Variants in COL11A1 observed in about 807,000 individuals in gnomAD.
COL11A1 encodes the protein collagen type XI alpha 1 chain.
COL11A1 carries 74 observed loss-of-function variants against 265.2 expected under a neutral mutation model. The ratio of observed to expected loss-of-function variants is 0.28; its 90% CI spans 0.23 to 0.34. The LOEUF is 0.34. Among genes scored for constraint, COL11A1 ranks in the 10% least tolerant of loss-of-function variants. The probability of loss-of-function intolerance (pLI) is 1.00; values close to 1 mark genes in which losing one functional copy is unlikely to be tolerated. For missense variants in COL11A1, 2,165 were observed against 2,263.6 expected, an observed-to-expected ratio of 0.96 and a Z score of 0.88; for synonymous variants, 816 against 727.6, an observed-to-expected ratio of 1.12 and a Z score of -1.96.
At chr1:103,093,251 C>T (rs1035771471) in intron 1 of COL11A1, among the ~76,000 whole-genome samples, 1 of 151,752 alleles carries the variant, frequency 6.6e-6, no homozygotes, top group African/African-American at 2.4e-5. Flanking sequence ...GAATTTAATG[C>T]CAAAAAGGGT....
intron 48 of COL11A1, among the ~76,000 whole-genome samples, chr1:102,921,226 T>A (rs1258533857): frequency 1.3e-5 from 2 of 152,188 alleles, no homozygotes; most frequent in Non-Finnish European, 2.9e-5. Flanking sequence ...TATGTTGGTT[T>A]GAACAATGTA....
intron 43 of COL11A1, 57 bp downstream of exon 43, chr1:102,940,270 C>G: frequency 1.5e-6 from 2 of 1,374,878 alleles, no homozygotes; most frequent in Non-Finnish European, 2.1e-6. Context: ...ATCTAGAATT[C>G]TTGACAAAAA....
At chr1:103,029,286 G>T (rs12728656) in intron 5 of COL11A1, among the ~76,000 whole-genome samples, 2 of 152,046 alleles carry the variant, frequency 1.3e-5, no homozygotes, top group Non-Finnish European at 2.9e-5. Context: ...TAAAGTACAT[G>T]TATGGCTGAT....
intron 41 of COL11A1, chr1:102,961,620 G>T (rs899060956): frequency 2.4e-6 from 1 of 424,232 alleles, no homozygotes; most frequent in Admixed American, 3.8e-5. Context: ...CTTGGGAACC[G>T]TAAGAAGCAA....
rs763043231 is a variant in COL11A1, at chr1:102,999,687, GC to G, written c.2143-1325del. On this transcript the variant is annotated intron_variant, in intron 24 of 66. Transcript: ENST00000370096. ...CTATGATAAGTTAGTACAAAAAATT[GC>G]TCTTGGATTGTAAAAACATATGACA... Among the ~76,000 whole-genome samples, 8 of 151,658 alleles carry G rather than the reference GC, an allele frequency of 5.3e-5. No homozygotes were observed. The East Asian group carries it at 5.8e-4, about 11-fold the overall frequency.
intron 14 of COL11A1, among the ~76,000 whole-genome samples, chr1:103,011,418 C>T (rs928802209): frequency 2.6e-5 from 4 of 151,382 alleles, no homozygotes; most frequent in South Asian, 4.2e-4. Context: ...ATGTGTTCCC[C>T]GTGAGCTTAT....
rs371455495 is a variant in COL11A1 at position 102,940,447 on chromosome 1, T to G, written c.3277-13A>C. 1.4e-3 allele frequency: 2,281 copies of G among 1,586,220 alleles called. 2 individuals are homozygous for G. The highest frequency in any genetic ancestry group is 1.8e-3 in the Non-Finnish European group (2,086 of 1,155,340). ...GACCTTTTTCTCCCTGTATTGAATA[T>G]CCAAAGATCATTAATTTTACAGTTT... On this transcript the variant is annotated splice_polypyrimidine_tract_variant and intron_variant, in intron 42 of 66. Transcript: ENST00000370096.
chr1:102,972,841 G>A (rs1393816517), intron 36 of COL11A1, among the ~76,000 whole-genome samples: 3 of 152,008 alleles, frequency 2.0e-5, no homozygotes, highest in East Asian at 3.9e-4. Context: ...TCTCATACTA[G>A]TCATGCTATA....
chr1:103,038,960 C>T (rs12075815), intron 4 of COL11A1, among the ~76,000 whole-genome samples: 365 of 152,166 alleles, frequency 2.4e-3, no homozygotes, highest in African/African-American at 8.4e-3. Flanking sequence ...AACAGAGGAA[C>T]GTAGAGCAAT....
intron 4 of COL11A1, among the ~76,000 whole-genome samples, chr1:103,035,405 T>C (rs1668286425): frequency 6.6e-6 from 1 of 152,104 alleles, no homozygotes; most frequent in Non-Finnish European, 1.5e-5. Context: ...CAAAAATGAC[T>C]CAAAAACACA....
intron 46 of COL11A1, among the ~76,000 whole-genome samples, chr1:102,933,692 G>A (rs1323012360): frequency 2.6e-5 from 4 of 152,060 alleles, no homozygotes; most frequent in Non-Finnish European, 5.9e-5. Context: ...CCCCAGCCTC[G>A]CTGCCACCTT....
chr1:102,923,722 A>G (rs2101089260), intron 46 of COL11A1, among the ~76,000 whole-genome samples: 1 of 152,242 alleles, frequency 6.6e-6, no homozygotes, highest in South Asian at 2.1e-4. Context: ...CTTCCCTGGT[A>G]CAGATTTCTG....
intron 31 of COL11A1, among the ~76,000 whole-genome samples, chr1:102,981,047 G>A (rs1316632240): frequency 6.6e-6 from 1 of 152,114 alleles, no homozygotes; most frequent in South Asian, 2.1e-4. Context: ...CCTACATGAT[G>A]CTATTAAAGC....
chr1:102,882,305 C>CAA (rs1557769393), intron 64 of COL11A1, among the ~76,000 whole-genome samples: 1 of 152,108 alleles, frequency 6.6e-6, no homozygotes, highest in African/African-American at 2.4e-5. Flanking sequence ...TGAAGAACAG[C>CAA]AAAGGGTATA....
chr1:103,017,875 A>G lies in COL11A1; in HGVS notation c.1358T>C (p.Met453Thr). 3.1e-6 allele frequency: 5 copies of G among 1,612,532 alleles called. No individual in the cohort carries two copies. Among genetic ancestry groups the G allele is most frequent in the Non-Finnish European group, 4.2e-6 (5 of 1,178,648 alleles). ...PPGPAGPAGI[M>T]GPPGLQGPTG... ...GGGGCCTTGTAGACCTGGAGGACCC[A>G]TAATACCCTATAGAGAAACACACCA... is the stretch of plus-strand genomic sequence containing the variant. Residue 453 changes from methionine to threonine, a missense_variant, in exon 11 of 67, where the codon ATG becomes ACG. Physicochemically the swap from Met to Thr is moderately conservative, Grantham distance 81. Transcript: ENST00000370096.
intron 1 of COL11A1, among the ~76,000 whole-genome samples, chr1:103,092,837 A>C (rs999450747): frequency 6.6e-6 from 1 of 152,144 alleles, no homozygotes; most frequent in Non-Finnish European, 1.5e-5. Flanking sequence ...CCCAAGAAGC[A>C]GAGAAAAGTC....
At chr1:102,977,047 T>C (rs1468860856) in intron 35 of COL11A1, among the ~76,000 whole-genome samples, 2 of 152,180 alleles carry the variant, frequency 1.3e-5, no homozygotes, top group African/African-American at 2.4e-5. Context: ...ATAAATATAA[T>C]GATCATGAGA....
At chr1:102,917,663 C>A (rs1337300596) in intron 49 of COL11A1, among the ~76,000 whole-genome samples, 1 of 151,770 alleles carries the variant, frequency 6.6e-6, no homozygotes, top group Non-Finnish European at 1.5e-5. Flanking sequence ...TCGTTCTTAT[C>A]AACTATAAAG....
At chr1:103,050,303 T>A (rs1165857972) in intron 4 of COL11A1, among the ~76,000 whole-genome samples, 2 of 152,202 alleles carry the variant, frequency 1.3e-5, no homozygotes, top group East Asian at 3.8e-4. Context: ...TTCATTTCTT[T>A]TTATTCTTTT....
Sources: gnomAD v4.1 joint callset for allele counts (sites outside exome capture counted in the v4.1 genomes callset) on GRCh38, gnomAD v4.1.1 for gene constraint, MANE v1.5 for transcripts, NCBI Gene and HGNC (gene_info 2026-07-23, HGNC 2026-07-21) for gene names.